GASK1A: variants seen among roughly 807,000 people sequenced by gnomAD.
GASK1A encodes the protein golgi associated kinase 1A, also known as Golgi-associated kinase 1A.
Under a neutral mutation model 41.2 loss-of-function variants are expected in GASK1A, and 40 were observed. That is an observed-to-expected ratio of 0.97 (90% CI 0.75 to 1.27). The LOEUF (loss-of-function observed/expected upper bound fraction) is 1.27, where lower values mean the gene tolerates loss of function less well. GASK1A is among the 50% of genes most tolerant of loss of function. GASK1A has a pLI of 0.00. For missense variants in GASK1A, 678 were observed against 745.1 expected (o/e 0.91, Z 1.05); for synonymous variants, 316 against 307.1 (o/e 1.03, Z -0.30).
intron 1 of GASK1A, among the ~76,000 whole-genome samples, chr3:43,001,887 G>A (rs1289538257): frequency 6.6e-6 from 1 of 152,114 alleles, no homozygotes; most frequent in Non-Finnish European, 1.5e-5. Flanking sequence ...GTCTGACCGG[G>A]CTGCCTGTCT....
chr3:43,009,012 T>C (rs796184453), intron 1 of GASK1A, among the ~76,000 whole-genome samples: 14 of 152,354 alleles, frequency 9.2e-5, no homozygotes, highest in African/African-American at 3.4e-4. Flanking sequence ...TGCTAAGTAA[T>C]AACTATAAAA....
chr3:43,035,452 G>A (rs1011083447), intron 2 of GASK1A, among the ~76,000 whole-genome samples: 12 of 152,210 alleles, frequency 7.9e-5, no homozygotes, highest in African/African-American at 2.9e-4. Context: ...CTGCAACTGT[G>A]ACTGAGGAGA....
chr3:43,055,627 A>G (rs1368519326), intron 4 of GASK1A, 92 bp downstream of exon 4: 3 of 867,092 alleles, frequency 3.5e-6, no homozygotes, highest in South Asian at 3.0e-5. Flanking sequence ...GGCCCTGAGA[A>G]GCCCACAGTC....
chr3:43,019,537 C>T (rs1311412605), intron 1 of GASK1A, among the ~76,000 whole-genome samples: 5 of 152,164 alleles, frequency 3.3e-5, no homozygotes, highest in African/African-American at 1.2e-4. Context: ...CTCATATATT[C>T]CCTTTCACCC....
intron 1 of GASK1A, among the ~76,000 whole-genome samples, chr3:43,002,056 T>C (rs996962052): frequency 2.0e-5 from 3 of 152,220 alleles, no homozygotes; most frequent in African/African-American, 7.2e-5. Context: ...GGAAATCAGC[T>C]TACTATTCTG....
At chr3:43,045,092 T>C (rs2089655917) in intron 2 of GASK1A, among the ~76,000 whole-genome samples, 1 of 152,148 alleles carries the variant, frequency 6.6e-6, no homozygotes, top group Admixed American at 6.5e-5. Flanking sequence ...AGTGTAGCTG[T>C]GATGGTTTAG....
chr3:43,034,622 G>T (rs2089596105), intron 2 of GASK1A, among the ~76,000 whole-genome samples: 1 of 152,234 alleles, frequency 6.6e-6, no homozygotes, highest in Non-Finnish European at 1.5e-5. Context: ...CTCAATGTCA[G>T]CCCTTAGGGT....
chr3:43,044,177 C>A (rs2089651206), intron 2 of GASK1A, among the ~76,000 whole-genome samples: 1 of 152,182 alleles, frequency 6.6e-6, no homozygotes, highest in Admixed American at 6.5e-5. Flanking sequence ...AGGTGTGAAG[C>A]AAAATCCAGG....
At chr3:43,042,422 G>A (rs2089642551) in intron 2 of GASK1A, among the ~76,000 whole-genome samples, 1 of 152,094 alleles carries the variant, frequency 6.6e-6, no homozygotes, top group Non-Finnish European at 1.5e-5. Flanking sequence ...GGTGGAGGTT[G>A]CAGTGAGCTG....
rs564037370 is a variant in GASK1A at position 42,982,735 on chromosome 3, G to A, written c.3+3090G>A. Reference sequence around the variant, plus strand: ...AAATTCACAAGAATGAATTGCTCCGGCCTCTTTCTCTATCCAAGCTCTTAC... The same window carrying A: ...AAATTCACAAGAATGAATTGCTCCGACCTCTTTCTCTATCCAAGCTCTTAC... On this transcript the variant is annotated intron_variant, in intron 1 of 4. Transcript: ENST00000430121. Among the ~76,000 whole-genome samples the A allele has an allele frequency of 1.6e-4, 25 of 152,312 alleles. No individual in the cohort carries two copies. In the South Asian group the frequency reaches 3.5e-3, roughly 21 times the overall value.
chr3:43,013,333 A>T (rs915564505), intron 1 of GASK1A, among the ~76,000 whole-genome samples: 4 of 152,076 alleles, frequency 2.6e-5, no homozygotes, highest in Admixed American at 1.3e-4. Flanking sequence ...GAGAAGTCAC[A>T]GAGGCAGTGT....
At chr3:43,015,101 G>A (rs1314360832) in intron 1 of GASK1A, among the ~76,000 whole-genome samples, 2 of 152,046 alleles carry the variant, frequency 1.3e-5, no homozygotes, top group Non-Finnish European at 2.9e-5. Flanking sequence ...GCCACAGGAA[G>A]GGGCTCTGTG....
intron 1 of GASK1A, among the ~76,000 whole-genome samples, chr3:42,999,961 C>T (rs1232155072): frequency 1.3e-5 from 2 of 152,198 alleles, no homozygotes; most frequent in Non-Finnish European, 2.9e-5. Context: ...ATTCATTTTT[C>T]CCTCCACTTG....
At chr3:43,036,444 C>T (rs1575448553) in intron 2 of GASK1A, among the ~76,000 whole-genome samples, 1 of 152,136 alleles carries the variant, frequency 6.6e-6, no homozygotes, top group Non-Finnish European at 1.5e-5. Flanking sequence ...CTGTATAAAC[C>T]CTTGTTTTTC....
At chr3:43,053,738 A>G in intron 3 of GASK1A, 95 bp downstream of exon 3, 1 of 1,386,510 alleles carries the variant, frequency 7.2e-7, no homozygotes, top group Non-Finnish European at 1.0e-6. Context: ...AGATCAGTTG[A>G]TGCTGGGGTT....
chr3:43,034,617 T>C (rs2089596079), intron 2 of GASK1A, among the ~76,000 whole-genome samples: 1 of 152,250 alleles, frequency 6.6e-6, no homozygotes, highest in Non-Finnish European at 1.5e-5. Context: ...GGGTCCTCAA[T>C]GTCAGCCCTT....
chr3:42,983,212 C>T (rs1374484207), intron 1 of GASK1A, among the ~76,000 whole-genome samples: 2 of 152,034 alleles, frequency 1.3e-5, no homozygotes, highest in African/African-American at 4.8e-5. Context: ...ACCTTAGCCC[C>T]TTATCTGTAA....
intron 1 of GASK1A, among the ~76,000 whole-genome samples, chr3:43,018,333 C>T (rs483765): frequency 0.98 from 148,956 of 152,328 alleles, 72,936 homozygotes; most frequent in Middle Eastern, 1. Context: ...TGGCGCATGG[C>T]ATGTGCTCAA....
intron 2 of GASK1A, among the ~76,000 whole-genome samples, chr3:43,044,959 C>G (rs1382933111): frequency 6.6e-6 from 1 of 152,094 alleles, no homozygotes; most frequent in East Asian, 1.9e-4. Flanking sequence ...AGGCCCCAAG[C>G]TCTGGGAGCC....
Sources: allele counts gnomAD v4.1 joint callset (sites outside exome capture counted in the v4.1 genomes callset), GRCh38; gene constraint gnomAD v4.1.1; transcripts MANE v1.5; gene names NCBI Gene and HGNC (gene_info 2026-07-23, HGNC 2026-07-21).